Variants in NCOR1 observed in about 807,000 individuals in gnomAD.
NCOR1 encodes the protein protein phosphatase 1, regulatory subunit 109.
A neutral mutation model predicts 288.1 loss-of-function variants in NCOR1; 63 were observed. The ratio of observed to expected loss-of-function variants is 0.22; its 90% CI spans 0.18 to 0.27. The LOEUF is 0.27. Ranked by LOEUF, NCOR1 falls within the 10% of genes least tolerant of loss-of-function variation. NCOR1 has a pLI of 1.00. For missense variants in NCOR1, 2,397 were observed against 3,019.2 expected (o/e 0.79, Z 4.83); for synonymous variants, 1,007 against 1,065.9 (o/e 0.94, Z 1.08).
At position 16,151,753 on chromosome 17, in the gene NCOR1, T is replaced by A. The variant is rs539327375; in HGVS notation, c.842+193A>T. The A allele has an allele frequency of 8.7e-6, 9 of 1,036,332 alleles. No homozygotes were observed. In the African/African-American group the frequency reaches 1.5e-4, roughly 17 times the overall value. 64.2% of individuals were successfully genotyped at this position (1,036,332 alleles called of 1,614,324 possible). ...CAATAATTTATTTCATTTTTTGGCC[T>A]CGGAAACTCAAAGCTGTTACCCCAA... On this transcript the variant is annotated intron_variant, in intron 8 of 45. Transcript: ENST00000268712.
At chr17:16,166,997 A>G (rs1331356402) in intron 4 of NCOR1, among the ~76,000 whole-genome samples, 2 of 152,026 alleles carry the variant, frequency 1.3e-5, no homozygotes, top group Non-Finnish European at 2.9e-5. Context: ...TTAACGCATA[A>G]AGAAAGATCT....
At chr17:16,048,747 A>C in intron 41 of NCOR1, 98 bp downstream of exon 41, 1 of 1,326,410 alleles carries the variant, frequency 7.5e-7, no homozygotes, top group Non-Finnish European at 9.9e-7. Flanking sequence ...CAGACATAAA[A>C]GCCCAAAGTT....
Position 16,127,310 on chromosome 17 carries a change from C to CGTGT in NCOR1, c.1510-1105_1510-1104insACAC, listed in dbSNP as rs1568195888. Among the ~76,000 whole-genome samples the CGTGT allele has an allele frequency of 1.6e-3, 70 of 42,722 alleles. 22 individuals are homozygous for CGTGT. The highest frequency in any genetic ancestry group is 3.5e-3 in the Non-Finnish European group (52 of 14,736). 28.0% of individuals were successfully genotyped at this position (42,722 alleles called of 152,430 possible). ...GTATATATGTATGTATGTATATATA[C>CGTGT]ATGTATGTATATATGTATGTATATA... On this transcript the variant is annotated intron_variant, in intron 14 of 45. Coordinates refer to ENST00000268712, the MANE Select transcript of NCOR1 (RefSeq NM_006311.4).
chr17:16,097,405 C>G (rs2066837904), intron 21 of NCOR1, among the ~76,000 whole-genome samples: 1 of 152,238 alleles, frequency 6.6e-6, no homozygotes, highest in Non-Finnish European at 1.5e-5. Flanking sequence ...ACTTTCAGCT[C>G]CATCCAGCTC....
At chr17:16,150,492 G>A (rs988268675) in intron 8 of NCOR1, among the ~76,000 whole-genome samples, 4 of 152,076 alleles carry the variant, frequency 2.6e-5, no homozygotes, top group African/African-American at 7.2e-5. Context: ...TTAAGTATAC[G>A]TTACTCAAAA....
rs189970612 is a variant in NCOR1 at position 16,029,408 on chromosome 17, T to C, written c.*2888A>G. ...TCATTAAAATTTTTTAACTGTCCAA[T>C]GGTCACTGGAGTTTTCTGGGCATAA... On this transcript the variant is annotated 3_prime_UTR_variant, in exon 46 of 46. Coordinates refer to ENST00000268712, the MANE Select transcript of NCOR1 (RefSeq NM_006311.4). 205 of 322,126 alleles carry C rather than the reference T, an allele frequency of 6.4e-4. No homozygotes were observed. Among genetic ancestry groups the C allele is most frequent in the Non-Finnish European group, 1.0e-3 (172 of 164,346 alleles). 20.0% of individuals were successfully genotyped at this position (322,126 alleles called of 1,614,324 possible).
chr17:16,102,026 T>C (rs1480031688), intron 19 of NCOR1, among the ~76,000 whole-genome samples: 1 of 152,308 alleles, frequency 6.6e-6, no homozygotes, highest in Non-Finnish European at 1.5e-5. Context: ...AGGATTTTAA[T>C]GTCTGAAAAT....
At chr17:16,153,447 G>T in intron 6 of NCOR1, 52 bp from the exon 7 acceptor site, 2 of 1,187,952 alleles carry the variant, frequency 1.7e-6, no homozygotes, top group Non-Finnish European at 2.4e-6. Flanking sequence ...CATTATCTAA[G>T]TGCAAAATAA....
At chr17:16,118,427 G>A (rs1326247704) in intron 17 of NCOR1, among the ~76,000 whole-genome samples, 1 of 152,004 alleles carries the variant, frequency 6.6e-6, no homozygotes, top group African/African-American at 2.4e-5. Flanking sequence ...ACAATTTAAA[G>A]ACATATATAT....
intron 19 of NCOR1, among the ~76,000 whole-genome samples, chr17:16,104,730 C>A (rs2068269172): frequency 1.3e-5 from 2 of 152,186 alleles, no homozygotes; most frequent in African/African-American, 4.8e-5. Context: ...TGTGTTCACG[C>A]TGGTACACTT....
At chr17:16,180,052 G>T (rs971119585) in intron 3 of NCOR1, among the ~76,000 whole-genome samples, 2 of 151,874 alleles carry the variant, frequency 1.3e-5, no homozygotes, top group Non-Finnish European at 2.9e-5. Flanking sequence ...TAGCAAGTGG[G>T]ACATATCCCT....
At chr17:16,079,042 A>G (rs2062973337) in intron 26 of NCOR1, among the ~76,000 whole-genome samples, 1 of 152,206 alleles carries the variant, frequency 6.6e-6, no homozygotes, top group Admixed American at 6.5e-5. Context: ...ACATTTCTGC[A>G]TTATTCTAGC....
At chr17:16,045,643 G>A (rs947624726) in intron 42 of NCOR1, among the ~76,000 whole-genome samples, 1 of 151,864 alleles carries the variant, frequency 6.6e-6, no homozygotes, top group African/African-American at 2.4e-5. Context: ...TGAGTAGCTG[G>A]GATTACAGGT....
chr17:16,086,708 T>C (rs973059839), intron 22 of NCOR1, among the ~76,000 whole-genome samples: 1 of 152,248 alleles, frequency 6.6e-6, no homozygotes, highest in African/African-American at 2.4e-5. Flanking sequence ...CTGCTTAGCA[T>C]AGCAAACATC....
chr17:16,064,330 T>C, intron 34 of NCOR1, 143 bp from the exon 35 acceptor site: 2 of 1,085,236 alleles, frequency 1.8e-6, no homozygotes, highest in Non-Finnish European at 2.6e-6. Flanking sequence ...CTGGGTGCAG[T>C]GGCTGACACC....
At chr17:16,148,310 C>T (rs1347635500) in intron 9 of NCOR1, among the ~76,000 whole-genome samples, 6 of 152,124 alleles carry the variant, frequency 3.9e-5, no homozygotes, top group Non-Finnish European at 4.4e-5. Context: ...AATTGGTTTT[C>T]CCCTGAAATG....
chr17:16,094,914 A>T (rs1353973814), intron 21 of NCOR1, among the ~76,000 whole-genome samples: 1 of 152,124 alleles, frequency 6.6e-6, no homozygotes, highest in Non-Finnish European at 1.5e-5. Context: ...TCGGCTCGCT[A>T]CAACCTCCAC....
Position 16,039,656 on chromosome 17 carries a change from T to C in NCOR1, c.6734-2A>G. The C allele has an allele frequency of 6.2e-7, 1 of 1,611,282 alleles. No individual in the cohort carries two copies. The highest frequency in any genetic ancestry group is 8.5e-7 in the Non-Finnish European group (1 of 1,178,388). ...AATGGCCTCTAGAGCTAACTGAGCC[T>C]GAAAGAGAATCAAAAACATTTCCAC... On this transcript the variant is annotated splice_acceptor_variant, in intron 43 of 45. Transcript: ENST00000268712. LOFTEE classifies it high-confidence loss of function.
At chr17:16,120,744 T>C (rs1355001268) in intron 16 of NCOR1, among the ~76,000 whole-genome samples, 1 of 152,056 alleles carries the variant, frequency 6.6e-6, no homozygotes, top group African/African-American at 2.4e-5. Context: ...AATAAGAGAA[T>C]GGTTAAAGAA....
Sources: allele counts gnomAD v4.1 joint callset (sites outside exome capture counted in the v4.1 genomes callset), GRCh38; gene constraint gnomAD v4.1.1; transcripts MANE v1.5; gene names NCBI Gene and HGNC (gene_info 2026-07-23, HGNC 2026-07-21).